NLRC5: variants seen among roughly 807,000 people sequenced by gnomAD.
The protein encoded by NLRC5 is NLR family CARD domain containing 5.
NLRC5 carries 114 observed loss-of-function variants against 206.9 expected under a neutral mutation model. The observed-to-expected ratio is 0.55, with a 90% CI of 0.47 to 0.64. The LOEUF is 0.64. Ranked by LOEUF, NLRC5 falls within the 30% of genes least tolerant of loss-of-function variation. The probability of loss-of-function intolerance (pLI) is 0.00; values close to 1 mark genes in which losing one functional copy is unlikely to be tolerated. For missense variants in NLRC5, 2,008 were observed against 2,305.5 expected, an observed-to-expected ratio of 0.87 and a Z score of 2.64; for synonymous variants, 952 against 962.8, an observed-to-expected ratio of 0.99 and a Z score of 0.21.
intron 1 of NLRC5, among the ~76,000 whole-genome samples, chr16:57,007,055 T>A (rs1456309297): frequency 6.6e-6 from 1 of 152,094 alleles, no homozygotes; most frequent in Non-Finnish European, 1.5e-5. Context: ...TTCTTGTGGC[T>A]TTTTTAGAAA....
At chr16:57,010,376 T>A (rs1478221435) in intron 1 of NLRC5, among the ~76,000 whole-genome samples, 2 of 152,162 alleles carry the variant, frequency 1.3e-5, no homozygotes, top group African/African-American at 2.4e-5. Context: ...AATAACTTTT[T>A]AATTTTTTTG....
chr16:57,010,384 T>C (rs1417083860), intron 1 of NLRC5, among the ~76,000 whole-genome samples: 5 of 152,212 alleles, frequency 3.3e-5, no homozygotes, highest in Non-Finnish European at 5.9e-5. Flanking sequence ...TTTAATTTTT[T>C]TGTTTTTTGA....
In NLRC5 at chr16:56,994,767, G is replaced by T. The variant is rs75503759; in HGVS notation, c.-128+5150G>T. On this transcript the variant is annotated intron_variant, in intron 1 of 48. Coordinates refer to ENST00000688547, the MANE Select transcript of NLRC5 (RefSeq NM_001384950.1). ...AAAGTGGGGAGAAGAAGAAAGCAGA[G>T]AAGAGGAGAGGAGGGAGAAGAGGAG... 2.8e-3 allele frequency among the ~76,000 whole-genome samples: 429 copies of T among 152,294 alleles called. 3 individuals carry two copies. The highest frequency in any genetic ancestry group is 9.7e-3 in the African/African-American group (403 of 41,562).
rs573582427 is a variant in NLRC5, at chr16:57,027,076, C to G, written c.2075+58C>G. On this transcript the variant is annotated intron_variant, in intron 6 of 48. Coordinates refer to ENST00000688547, the MANE Select transcript of NLRC5 (RefSeq NM_001384950.1). Reference sequence around the variant, plus strand: ...ATTGGGCTTTTGGGGGAGCAGAGGCCAACCAGTCTAGCAAACCTCTGCCAA... The same window carrying G: ...ATTGGGCTTTTGGGGGAGCAGAGGCGAACCAGTCTAGCAAACCTCTGCCAA... 21 of 1,558,120 alleles carry G rather than the reference C, an allele frequency of 1.3e-5. No homozygotes were observed. In the East Asian group the frequency reaches 4.3e-4, roughly 32 times the overall value.
chr16:57,005,403 A>G (rs1449858932), intron 1 of NLRC5, among the ~76,000 whole-genome samples: 2 of 151,966 alleles, frequency 1.3e-5, no homozygotes, highest in Admixed American at 6.6e-5. Context: ...TCACACCTGT[A>G]ATCCCAACAC....
At chr16:57,079,430 A>G in intron 45 of NLRC5, 116 bp from the exon 46 acceptor site, 4 of 1,360,348 alleles carry the variant, frequency 2.9e-6, no homozygotes, top group Non-Finnish European at 4.2e-6. Flanking sequence ...CAAGAAAGGA[A>G]GTCTTTCCTA....
intron 38 of NLRC5, among the ~76,000 whole-genome samples, chr16:57,072,985 G>A (rs758213128): frequency 1.6e-4 from 24 of 152,130 alleles, no homozygotes; most frequent in African/African-American, 4.3e-4. Flanking sequence ...CCCTCCTGTC[G>A]TCTCACTGGT....
Position 56,991,194 on chromosome 16 carries a change from G to A in NLRC5, c.-128+1577G>A, listed in dbSNP as rs923824855. The A allele has an allele frequency of 6.6e-5, 10 of 152,222 alleles. 2 individuals are homozygous for A. The East Asian group carries it at 1.5e-3, about 24-fold the overall frequency. The allele number at this position is 152,222 out of a possible 1,614,324, so 9.4% of individuals were successfully genotyped here. ...GGGAGATGGATCCTTGAAGAAGACA[G>A]ACAAGCAGAGGGGAAAGATCTTGGA... On this transcript the variant is annotated intron_variant, in intron 1 of 48. Transcript: ENST00000688547.
chr16:57,021,252 G>C (rs2060637929), intron 3 of NLRC5: 1 of 446,280 alleles, frequency 2.2e-6, no homozygotes, highest in Non-Finnish European at 4.0e-6. Context: ...ACTGCTTCCA[G>C]CCACAAAATC....
intron 42 of NLRC5, 53 bp downstream of exon 42, chr16:57,077,855 G>A (rs1440814495): frequency 6.3e-7 from 1 of 1,591,632 alleles, no homozygotes; most frequent in African/African-American, 1.3e-5. Flanking sequence ...GGTCCACCTG[G>A]CCTCCTCTCC....
At chr16:57,005,675 T>TTA (rs771369092) in intron 1 of NLRC5, among the ~76,000 whole-genome samples, 1 of 152,100 alleles carries the variant, frequency 6.6e-6, no homozygotes, top group Non-Finnish European at 1.5e-5. Flanking sequence ...TCCCAGCACT[T>TTA]TGGGAGGCCA....
intron 22 of NLRC5, 107 bp from the exon 23 acceptor site, chr16:57,047,438 C>A: frequency 1.0e-6 from 1 of 966,194 alleles, no homozygotes; most frequent in Non-Finnish European, 1.6e-6. Flanking sequence ...GGGCCTGTGG[C>A]CTCCCACTTA....
At chr16:57,027,431 A>G (rs551601680) in intron 6 of NLRC5, among the ~76,000 whole-genome samples, 45 of 152,390 alleles carry the variant, frequency 3.0e-4, no homozygotes, top group Middle Eastern at 3.4e-3. Context: ...AACATTTTGT[A>G]GCACAGTGCC....
At position 57,023,809 on chromosome 16, in the gene NLRC5, G is replaced by C; in HGVS notation, c.380G>C (p.Cys127Ser). ...GGCCTGAAGCGCCCACATCAGAGCT[G>C]TGGGTCCTCACCCCGCCGGAAGCAG... ...HHGLKRPHQSCGSSPRRKQCK... is the reference protein window; with the variant it reads ...HHGLKRPHQSSGSSPRRKQCK... Residue 127 changes from cysteine (C) to serine (S), a missense_variant, in exon 5 of 49, where the codon TGT (cysteine) becomes TCT (serine). Physicochemically the swap from Cys to Ser is moderately radical, Grantham distance 112. Transcript: ENST00000688547. 1 of 1,612,328 alleles carries C rather than the reference G, an allele frequency of 6.2e-7. No individual in the cohort carries two copies. The highest frequency in any genetic ancestry group is 8.5e-7 in the Non-Finnish European group (1 of 1,179,136).
intron 24 of NLRC5, among the ~76,000 whole-genome samples, chr16:57,054,232 C>T (rs1549671): frequency 0.13 from 20,061 of 151,948 alleles, 1,346 homozygotes; most frequent in Non-Finnish European, 0.15. Context: ...ATCTGGGATG[C>T]TGCTGAACAT....
intron 37 of NLRC5, 131 bp downstream of exon 37, chr16:57,070,050 CA>C (rs2067463006): frequency 2.7e-6 from 2 of 729,402 alleles, no homozygotes; most frequent in Non-Finnish European, 4.6e-6. Context: ...TGAAGTGCAG[CA>C]GTTCTGGGTG....
chr16:57,038,976 A>C (rs2062950398), intron 15 of NLRC5, among the ~76,000 whole-genome samples: 1 of 151,868 alleles, frequency 6.6e-6, no homozygotes, highest in Non-Finnish European at 1.5e-5. Flanking sequence ...CATGGTATAT[A>C]TAATCTGTTC....
chr16:57,031,038 T>C (rs2061819293), intron 10 of NLRC5, among the ~76,000 whole-genome samples: 2 of 151,976 alleles, frequency 1.3e-5, no homozygotes, highest in South Asian at 4.1e-4. Context: ...AGGTTGAGGC[T>C]GCAGTGAGGT....
chr16:57,052,279 C>A (rs2065025100), intron 24 of NLRC5, among the ~76,000 whole-genome samples: 1 of 152,154 alleles, frequency 6.6e-6, no homozygotes, highest in African/African-American at 2.4e-5. Flanking sequence ...TTGAGACCAG[C>A]CTGGCCAATG....
Sources: gnomAD v4.1 joint callset for allele counts (sites outside exome capture counted in the v4.1 genomes callset) on GRCh38, gnomAD v4.1.1 for gene constraint, MANE v1.5 for transcripts, NCBI Gene and HGNC (gene_info 2026-07-23, HGNC 2026-07-21) for gene names.